Variants in THSD7A observed in about 807,000 individuals in gnomAD.
THSD7A encodes the protein thrombospondin type-1 domain-containing protein 7A.
Under a neutral mutation model 231.3 loss-of-function variants are expected in THSD7A, and 96 were observed. The ratio of observed to expected loss-of-function variants is 0.41; its 90% CI spans 0.35 to 0.49. The LOEUF (loss-of-function observed/expected upper bound fraction) is 0.49, where lower values mean the gene tolerates loss of function less well. Ranked by LOEUF, THSD7A falls within the 20% of genes least tolerant of loss-of-function variation. The pLI is 0.05. For missense variants in THSD7A, 2,290 were observed against 2,070.2 expected, an observed-to-expected ratio of 1.11 and a Z score of -2.06; for synonymous variants, 940 against 743.3, an observed-to-expected ratio of 1.26 and a Z score of -4.30.
At chr7:11,554,195 T>A (rs1348930775) in intron 4 of THSD7A, among the ~76,000 whole-genome samples, 1 of 152,006 alleles carries the variant, frequency 6.6e-6, no homozygotes, top group African/African-American at 2.4e-5. Flanking sequence ...TATTCAGAAA[T>A]AAGGCCTTTG....
intron 24 of THSD7A, 49 bp downstream of exon 24, chr7:11,382,472 G>C: frequency 7.2e-7 from 1 of 1,396,488 alleles, no homozygotes; most frequent in East Asian, 2.3e-5. Flanking sequence ...CCAATCACAT[G>C]TGTGTTACAG....
chr7:11,528,501 T>C (rs1788569924), intron 6 of THSD7A, among the ~76,000 whole-genome samples: 1 of 152,052 alleles, frequency 6.6e-6, no homozygotes, highest in Admixed American at 6.6e-5. Context: ...CAAAGAAAAA[T>C]CAGGGCGGTT....
chr7:11,597,676 C>T (rs189771245), intron 2 of THSD7A, among the ~76,000 whole-genome samples: 78 of 152,264 alleles, frequency 5.1e-4, no homozygotes, highest in African/African-American at 9.1e-4. Context: ...GGAAATTGAA[C>T]GTTTGATTAT....
chr7:11,510,633 T>A (rs1200647588), intron 6 of THSD7A, among the ~76,000 whole-genome samples: 2 of 152,158 alleles, frequency 1.3e-5, no homozygotes, highest in Non-Finnish European at 2.9e-5. Context: ...CACGAATCAA[T>A]AAATGTAATC....
intron 11 of THSD7A, among the ~76,000 whole-genome samples, chr7:11,456,430 C>T (rs1785311155): frequency 6.6e-6 from 1 of 151,990 alleles, no homozygotes; most frequent in African/African-American, 2.4e-5. Context: ...TTACTATTGT[C>T]CCAGTCTTTA....
chr7:11,702,364 G>T (rs941261076), intron 1 of THSD7A, among the ~76,000 whole-genome samples: 5 of 151,184 alleles, frequency 3.3e-5, no homozygotes, highest in African/African-American at 4.8e-5. Flanking sequence ...GTTACAGCAT[G>T]ACTGTGGTTT....
intron 4 of THSD7A, among the ~76,000 whole-genome samples, chr7:11,554,522 C>T (rs1789764311): frequency 6.6e-6 from 1 of 151,956 alleles, no homozygotes; most frequent in African/African-American, 2.4e-5. Flanking sequence ...TGAATGGATG[C>T]TAAATTTTGT....
At chr7:11,595,240 G>C (rs954645499) in intron 2 of THSD7A, among the ~76,000 whole-genome samples, 1 of 152,130 alleles carries the variant, frequency 6.6e-6, no homozygotes, top group African/African-American at 2.4e-5. Context: ...CTAGAGGTGG[G>C]GTTGACAGTG....
At chr7:11,717,228 G>T (rs1781170959) in intron 1 of THSD7A, among the ~76,000 whole-genome samples, 1 of 151,688 alleles carries the variant, frequency 6.6e-6, no homozygotes, top group Admixed American at 6.6e-5. Context: ...GGCAGAGGTG[G>T]GTGTGTGAAA....
intron 1 of THSD7A, among the ~76,000 whole-genome samples, chr7:11,766,465 C>G (rs1230248423): frequency 1.3e-5 from 2 of 152,034 alleles, no homozygotes; most frequent in Non-Finnish European, 2.9e-5. Context: ...GGTATTGAAC[C>G]AATATTCTCA....
chr7:11,517,573 ATCAGCTTTTGATTGCCATTTTACC>A (rs1439536742), intron 6 of THSD7A, among the ~76,000 whole-genome samples: 2 of 152,202 alleles, frequency 1.3e-5, no homozygotes, highest in Non-Finnish European at 2.9e-5. Context: ...ATATTTTGAC[ATCAGCTTTTGATTGCCATTTTACC>A]TCAAGTCTTT....
chr7:11,612,503 T>A (rs1780969479), intron 2 of THSD7A, among the ~76,000 whole-genome samples: 1 of 152,244 alleles, frequency 6.6e-6, no homozygotes, highest in Non-Finnish European at 1.5e-5. Flanking sequence ...AGATACTTAC[T>A]TGTGAATATA....
intron 1 of THSD7A, among the ~76,000 whole-genome samples, chr7:11,713,032 T>C (rs960528701): frequency 4.6e-5 from 7 of 151,218 alleles, no homozygotes; most frequent in African/African-American, 1.7e-4. Context: ...CATCTTCATG[T>C]GACCATGCAT....
At chr7:11,418,821 G>T (rs1173259258) in intron 16 of THSD7A, among the ~76,000 whole-genome samples, 1 of 151,730 alleles carries the variant, frequency 6.6e-6, no homozygotes, top group Non-Finnish European at 1.5e-5. Context: ...ACCTACCTGT[G>T]CATTTTTTTT....
At chr7:11,800,634 G>A (rs1784248732) in intron 1 of THSD7A, among the ~76,000 whole-genome samples, 1 of 152,094 alleles carries the variant, frequency 6.6e-6, no homozygotes, top group African/African-American at 2.4e-5. Flanking sequence ...AGCCTCAGAG[G>A]GCATTTACTG....
In THSD7A at chr7:11,604,143, T is replaced by A. The variant is rs551121361; in HGVS notation, c.1023-10641A>T. 3.9e-5 allele frequency among the ~76,000 whole-genome samples: 6 copies of A among 152,268 alleles called. No homozygotes were observed. The South Asian group carries it at 1.2e-3, about 32-fold the overall frequency. ...GACACTGTTCTAATGTTTATGTATA[T>A]AAAATGTATTGAATTATTAATCTGA... On this transcript the variant is annotated intron_variant, in intron 2 of 27. Transcript: ENST00000423059.
intron 2 of THSD7A, among the ~76,000 whole-genome samples, chr7:11,635,687 A>C (rs1237557268): frequency 6.6e-6 from 1 of 152,154 alleles, no homozygotes; most frequent in Non-Finnish European, 1.5e-5. Context: ...GTTGTTGTTT[A>C]GAGCAGATTT....
intron 1 of THSD7A, among the ~76,000 whole-genome samples, chr7:11,740,873 G>A (rs1782089958): frequency 2.6e-5 from 4 of 151,870 alleles, no homozygotes; most frequent in Admixed American, 2.6e-4. Flanking sequence ...ATTAGTCCTG[G>A]AACATAGTAA....
chr7:11,752,231 T>G (rs1201847633), intron 1 of THSD7A, among the ~76,000 whole-genome samples: 3 of 152,062 alleles, frequency 2.0e-5, no homozygotes, highest in African/African-American at 7.2e-5. Flanking sequence ...TTCCGTTCCT[T>G]GCCCTGTTTT....
Sources: allele counts gnomAD v4.1 joint callset (sites outside exome capture counted in the v4.1 genomes callset), GRCh38; gene constraint gnomAD v4.1.1; transcripts MANE v1.5; gene names NCBI Gene and HGNC (gene_info 2026-07-23, HGNC 2026-07-21).